Variants in OXCT1 observed in about 807,000 individuals in gnomAD.
OXCT1 encodes the protein succinyl-CoA:3-ketoacid coenzyme A transferase 1, mitochondrial.
Under a neutral mutation model 69.6 loss-of-function variants are expected in OXCT1, and 27 were observed. The observed-to-expected ratio is 0.39, with a 90% confidence interval of 0.29 to 0.54. The LOEUF (loss-of-function observed/expected upper bound fraction) is 0.54. OXCT1 is among the 20% of genes least tolerant of loss of function. OXCT1 has a pLI of 0.72. For synonymous variants in OXCT1, 202 were observed against 217.8 expected (o/e 0.93, Z 0.64); for missense variants, 437 against 650.2 (o/e 0.67, Z 3.57).
chr5:41,821,260 A>C (rs971340825), intron 7 of OXCT1, among the ~76,000 whole-genome samples: 1 of 152,226 alleles, frequency 6.6e-6, no homozygotes, highest in Admixed American at 6.5e-5. Context: ...CACTTCCTGA[A>C]GAAAACATTG....
At chr5:41,798,108 A>G (rs1746262316) in intron 11 of OXCT1, among the ~76,000 whole-genome samples, 1 of 152,188 alleles carries the variant, frequency 6.6e-6, no homozygotes, top group Non-Finnish European at 1.5e-5. Flanking sequence ...GGGGATAAAA[A>G]TGGAATGGAG....
At chr5:41,817,381 T>G (rs546897895) in intron 7 of OXCT1, among the ~76,000 whole-genome samples, 50 of 152,340 alleles carry the variant, frequency 3.3e-4, no homozygotes, top group African/African-American at 1.1e-3. Context: ...AAAGTTGAAC[T>G]GTAAATGAAG....
chr5:41,731,638 T>G lies in OXCT1; in HGVS notation c.*91A>C, dbSNP rs941292222. The G allele has an allele frequency of 8.5e-6, 13 of 1,521,600 alleles. No individual in the cohort carries two copies. Among genetic ancestry groups the G allele is most frequent in the Non-Finnish European group, 1.1e-5 (12 of 1,122,012 alleles). The allele number at this position is 1,521,600 out of a possible 1,614,324, so 94.3% of individuals were successfully genotyped here. A position where few individuals can be genotyped will look rare whatever the true frequency, so the allele number is the denominator to read the frequency against. On this transcript the variant is annotated 3_prime_UTR_variant, in exon 17 of 17. Coordinates refer to ENST00000196371, the MANE Select transcript of OXCT1 (RefSeq NM_000436.4). Reference sequence around the variant, plus strand: ...AGAAAACTAATAAAAAACCACCTGTTAAATACACAATTATGATTATTGATG... The same window carrying G: ...AGAAAACTAATAAAAAACCACCTGTGAAATACACAATTATGATTATTGATG...
intron 2 of OXCT1, among the ~76,000 whole-genome samples, 173 bp downstream of exon 2, chr5:41,862,469 G>A (rs573906715): frequency 6.6e-6 from 1 of 152,038 alleles, no homozygotes; most frequent in South Asian, 2.1e-4. Context: ...GCTAAACCTT[G>A]CTAAACTTTT....
chr5:41,845,794 A>G (rs192605123), intron 5 of OXCT1, among the ~76,000 whole-genome samples: 5 of 152,310 alleles, frequency 3.3e-5, no homozygotes, highest in Non-Finnish European at 4.4e-5. Flanking sequence ...ATACTACTAC[A>G]GTTCATTTTA....
Position 41,730,401 on chromosome 5 carries a change from CA to C in OXCT1, c.*1327del, listed in dbSNP as rs1742558331. 1 of 152,186 alleles carries C rather than the reference CA, an allele frequency of 6.6e-6. No individual in the cohort carries two copies. The allele number at this position is 152,186 out of a possible 1,614,324, so 9.4% of individuals were successfully genotyped here. A position where few individuals can be genotyped will look rare whatever the true frequency, so the allele number is the denominator to read the frequency against. ...CCTTTCTCTAATATTGTACATTACA[CA>C]ATTGTAGCTACACCTGAAAAGAAGT... On this transcript the variant is annotated 3_prime_UTR_variant, in exon 17 of 17. Transcript: ENST00000196371.
chr5:41,766,858 T>C (rs576344351), intron 13 of OXCT1, among the ~76,000 whole-genome samples: 134 of 152,250 alleles, frequency 8.8e-4, no homozygotes, highest in African/African-American at 3.0e-3. Context: ...TTTAAAGTAA[T>C]GCTATATGCC....
chr5:41,803,173 A>G lies in OXCT1; in HGVS notation c.956-10T>C, dbSNP rs748998913. The G allele has an allele frequency of 1.3e-6, 2 of 1,573,850 alleles. No individual in the cohort carries two copies. The highest frequency in any genetic ancestry group is 1.7e-5 in the Admixed American group (1 of 59,796). ...CCTATGCCCAAATTAGCTGGAAAAA[A>G]AAGATGTTAAGGTCCAGCATATAAA... On this transcript the variant is annotated splice_polypyrimidine_tract_variant and intron_variant, in intron 9 of 16. Coordinates refer to ENST00000196371, the MANE Select transcript of OXCT1 (RefSeq NM_000436.4).
chr5:41,765,110 C>T (rs1744533843), intron 13 of OXCT1, among the ~76,000 whole-genome samples: 1 of 152,080 alleles, frequency 6.6e-6, no homozygotes, highest in Admixed American at 6.6e-5. Context: ...AGGCATACTC[C>T]CTGACATAAG....
chr5:41,787,596 G>C (rs527750248), intron 13 of OXCT1, among the ~76,000 whole-genome samples: 2 of 98,580 alleles, frequency 2.0e-5, no homozygotes, highest in East Asian at 6.5e-4. Flanking sequence ...GAAGAAATTA[G>C]TCAAAGCCTG....
Position 41,850,113 on chromosome 5 carries a change from A to G in OXCT1, c.481T>C (p.Tyr161His). ...GVPAFYTPTGYGTLVQEGGSP... is the reference protein window; with the variant it reads ...GVPAFYTPTGHGTLVQEGGSP... ...CCTCCTTCTTGTACCAGGGTCCCAT[A>G]CCCTGTTGGGGTGTAAAATGCAGGA... The change falls in exon 5 of 17, where the codon TAT becomes CAT. Residue 161 changes from tyrosine (Y) to histidine (H), a missense_variant. Physicochemically the swap from Tyr to His is moderately conservative, Grantham distance 83. This residue lies in a region of OXCT1 where 252 missense variants were observed against 397.4 expected (regional missense o/e 0.63). Transcript: ENST00000196371. The G allele has an allele frequency of 6.2e-7, 1 of 1,613,868 alleles. No homozygotes were observed. The highest frequency in any genetic ancestry group is 8.5e-7 in the Non-Finnish European group (1 of 1,179,860).
At chr5:41,736,067 A>T (rs1364727881) in intron 16 of OXCT1, among the ~76,000 whole-genome samples, 1 of 152,166 alleles carries the variant, frequency 6.6e-6, no homozygotes, top group African/African-American at 2.4e-5. Context: ...TAATAGTAAT[A>T]CTTTTACCTC....
At chr5:41,753,899 A>G (rs1463850931) in intron 14 of OXCT1, among the ~76,000 whole-genome samples, 1 of 152,120 alleles carries the variant, frequency 6.6e-6, no homozygotes, top group East Asian at 1.9e-4. Context: ...AGGTACTCGT[A>G]CATTCCTAGT....
At chr5:41,819,317 A>C (rs908038805) in intron 7 of OXCT1, among the ~76,000 whole-genome samples, 2 of 148,674 alleles carry the variant, frequency 1.3e-5, no homozygotes, top group Non-Finnish European at 3.0e-5. Flanking sequence ...AGTATCACGA[A>C]CATTCTAAAA....
chr5:41,838,378 T>G (rs180737262), intron 7 of OXCT1, among the ~76,000 whole-genome samples: 2 of 152,328 alleles, frequency 1.3e-5, no homozygotes, highest in Admixed American at 1.3e-4. Flanking sequence ...CTATGTATAC[T>G]ATATGTTTCT....
intron 13 of OXCT1, among the ~76,000 whole-genome samples, chr5:41,777,340 C>T (rs1745174798): frequency 6.6e-6 from 1 of 152,048 alleles, no homozygotes; most frequent in South Asian, 2.1e-4. Flanking sequence ...TGCTTGAACC[C>T]GAGAGGTGGA....
intron 3 of OXCT1, among the ~76,000 whole-genome samples, chr5:41,855,015 T>C (rs1749366832): frequency 6.6e-6 from 1 of 152,188 alleles, no homozygotes; most frequent in Non-Finnish European, 1.5e-5. Context: ...TGGCCAAAAT[T>C]GGAGCCTCCC....
At chr5:41,742,869 AGTCTATCAT>A (rs1308367879) in intron 15 of OXCT1, among the ~76,000 whole-genome samples, 1 of 152,178 alleles carries the variant, frequency 6.6e-6, no homozygotes, top group Non-Finnish European at 1.5e-5. Context: ...TTCTTAATCC[AGTCTATCAT>A]TGATGGGCAT....
At chr5:41,827,909 C>A (rs1310010018) in intron 7 of OXCT1, among the ~76,000 whole-genome samples, 1 of 152,128 alleles carries the variant, frequency 6.6e-6, no homozygotes, top group Non-Finnish European at 1.5e-5. Context: ...GCTGATGATA[C>A]AGATGAAAAA....
Sources: allele counts gnomAD v4.1 joint callset (sites outside exome capture counted in the v4.1 genomes callset), GRCh38; gene constraint gnomAD v4.1.1; regional missense constraint gnomAD v4.1.1; transcripts MANE v1.5; gene names NCBI Gene and HGNC (gene_info 2026-07-23, HGNC 2026-07-21).